UMODL1: variants seen among roughly 807,000 people sequenced by gnomAD.
The protein encoded by UMODL1 is uromodulin like 1.
Under a neutral mutation model 136.3 loss-of-function variants are expected in UMODL1, and 128 were observed. The observed-to-expected ratio is 0.94, with a 90% CI of 0.81 to 1.09. The LOEUF (loss-of-function observed/expected upper bound fraction) is 1.09. Ranked by LOEUF, UMODL1 falls within the 50% of genes least tolerant of loss-of-function variation. UMODL1 has a pLI of 0.00. For synonymous variants in UMODL1, 721 were observed against 720.0 expected (o/e 1.00, Z -0.02); for missense variants, 1,766 against 1,725.6 (o/e 1.02, Z -0.41).
rs141557659 is a variant in UMODL1 at position 42,090,225 on chromosome 21, G to C, written c.791-73G>C. On this transcript the variant is annotated intron_variant, in intron 5 of 22. Coordinates refer to ENST00000408910, the MANE Select transcript of UMODL1 (RefSeq NM_001004416.3). ...CGTGGCACGAGTCCACAGAGGCCGT[G>C]TGTGTGCAGGTAGATGAAGATGACG... The C allele has an allele frequency of 4.2e-5, 67 of 1,596,102 alleles. No individual in the cohort carries two copies. In the African/African-American group the frequency reaches 7.6e-4, roughly 18 times the overall value.
chr21:42,098,322 A>C (rs914076097), intron 6 of UMODL1, among the ~76,000 whole-genome samples: 1 of 152,184 alleles, frequency 6.6e-6, no homozygotes, highest in African/African-American at 2.4e-5. Context: ...TGGGATTTCA[A>C]CTTCAGACCT....
intron 21 of UMODL1, among the ~76,000 whole-genome samples, chr21:42,136,437 A>G (rs2067206029): frequency 6.6e-6 from 1 of 152,230 alleles, no homozygotes; most frequent in Admixed American, 6.5e-5. Flanking sequence ...TCCTATGAAC[A>G]GGGTCATGTT....
intron 5 of UMODL1, among the ~76,000 whole-genome samples, chr21:42,088,789 T>G (rs538499801): frequency 1.3e-5 from 2 of 151,448 alleles, no homozygotes; most frequent in African/African-American, 4.9e-5. Context: ...CTCGGCAGGC[T>G]TCTCCTTCCA....
In UMODL1 at chr21:42,095,025, G is replaced by A. The variant is rs145401147; in HGVS notation, c.932-3901G>A. 9.9e-3 allele frequency among the ~76,000 whole-genome samples: 1,490 copies of A among 150,946 alleles called. 18 individuals are homozygous for A. The highest frequency in any genetic ancestry group is 0.034 in the African/African-American group (1,405 of 41,002). ...GGGAGAATCCATTCCTTGCCTCTCTGCCCTCTGGTGGCTGCCGGCATTCCT... is the reference window on the plus strand; with the variant it reads ...GGGAGAATCCATTCCTTGCCTCTCTACCCTCTGGTGGCTGCCGGCATTCCT... On this transcript the variant is annotated intron_variant, in intron 6 of 22. Transcript: ENST00000408910.
At chr21:42,069,676 C>T (rs888250511), upstream of UMODL1, among the ~76,000 whole-genome samples, 13 of 152,224 alleles carry the variant, frequency 8.5e-5, no homozygotes, top group African/African-American at 2.9e-4. Flanking sequence ...GTGCACCAGA[C>T]GAATTTTGAG....
chr21:42,128,131 C>A, intron 20 of UMODL1: 1 of 524,626 alleles, frequency 1.9e-6, no homozygotes, highest in Non-Finnish European at 3.7e-6. Flanking sequence ...TGCCATGATA[C>A]CTAGTGCTTC....
chr21:42,113,458 C>T (rs912118958), intron 12 of UMODL1, 115 bp from the exon 13 acceptor site: 6 of 1,349,388 alleles, frequency 4.4e-6, no homozygotes, highest in Non-Finnish European at 4.0e-6. Context: ...CGGCCATCAC[C>T]TGCAAATCGC....
Position 42,121,688 on chromosome 21 carries a change from C to T in UMODL1, c.2827+464C>T, listed in dbSNP as rs1423907884. 5.3e-5 allele frequency among the ~76,000 whole-genome samples: 8 copies of T among 152,192 alleles called. No homozygotes were observed. In the East Asian group the frequency reaches 1.5e-3, roughly 29 times the overall value. On this transcript the variant is annotated intron_variant, in intron 16 of 22. Coordinates refer to ENST00000408910, the MANE Select transcript of UMODL1 (RefSeq NM_001004416.3). ...TGACCCCACGTTGGCCACTGCTATC[C>T]AGGAATCTGCGTCAAGTGAAGGGAG...
In UMODL1 at chr21:42,129,723, A is replaced by G; in HGVS notation, c.3701A>G (p.Asn1234Ser). The G allele has an allele frequency of 6.3e-7, 1 of 1,580,050 alleles. No homozygotes were observed. Among genetic ancestry groups the G allele is most frequent in the Non-Finnish European group, 8.6e-7 (1 of 1,168,414 alleles). Residue 1234 changes from asparagine (N) to serine (S), a missense_variant, in exon 21 of 23, where the codon AAC becomes AGC. By Grantham distance (46) the Asn-to-Ser change is conservative. Transcript: ENST00000408910. ...GAAAAAAAAAAACAGAATTGCAATA[A>G]CTTTCGGTTGCTGCAAAATAGTGAA... is the stretch of plus-strand genomic sequence containing the variant. ...PGATCKINCN[N>S]FRLLQNSETS...
At chr21:42,134,135 G>A (rs559242428) in intron 21 of UMODL1, among the ~76,000 whole-genome samples, 2 of 152,266 alleles carry the variant, frequency 1.3e-5, no homozygotes, top group East Asian at 3.9e-4. Flanking sequence ...TGGCCAGGAT[G>A]GTCTCGATCT....
At chr21:42,137,395 C>T in intron 21 of UMODL1, 44 bp from the exon 22 acceptor site, 3 of 1,606,830 alleles carry the variant, frequency 1.9e-6, no homozygotes, top group Non-Finnish European at 2.6e-6. Flanking sequence ...TCGCATTCCT[C>T]CCGTTTGTGC....
intron 4 of UMODL1, among the ~76,000 whole-genome samples, chr21:42,088,033 G>A (rs1316545996): frequency 1.3e-5 from 2 of 152,216 alleles, no homozygotes; most frequent in East Asian, 3.8e-4. Flanking sequence ...CTGAGGTACT[G>A]GAGGTTAGGA....
At chr21:42,072,294 C>G (rs904715345) in intron 1 of UMODL1, among the ~76,000 whole-genome samples, 1 of 152,206 alleles carries the variant, frequency 6.6e-6, no homozygotes, top group Non-Finnish European at 1.5e-5. Flanking sequence ...ATTTTAAAAT[C>G]ATTTTCCTCT....
intron 21 of UMODL1, 22 bp from the exon 22 acceptor site, chr21:42,137,417 C>A: frequency 6.2e-7 from 1 of 1,613,380 alleles, no homozygotes; most frequent in African/African-American, 1.3e-5. Context: ...GATCTCTCAC[C>A]TGTGCCTGTC....
intron 7 of UMODL1, among the ~76,000 whole-genome samples, chr21:42,100,421 C>A (rs116813204): frequency 6.6e-6 from 1 of 151,978 alleles, no homozygotes; most frequent in Non-Finnish European, 1.5e-5. Context: ...TGATTTGGGG[C>A]GGACCTCAAG....
intron 13 of UMODL1, among the ~76,000 whole-genome samples, chr21:42,115,173 G>A (rs940635287): frequency 3.9e-5 from 6 of 152,222 alleles, no homozygotes; most frequent in Admixed American, 2.6e-4. Flanking sequence ...CATGGCAGGC[G>A]CTTTGCAAAT....
At chr21:42,086,115 C>T (rs1013539989) in intron 4 of UMODL1, among the ~76,000 whole-genome samples, 4 of 152,170 alleles carry the variant, frequency 2.6e-5, no homozygotes, top group Non-Finnish European at 5.9e-5. Flanking sequence ...CGCTGCGTGT[C>T]CCCAAGGCTG....
chr21:42,088,980 TA>T (rs887569426), intron 5 of UMODL1, among the ~76,000 whole-genome samples: 3 of 152,240 alleles, frequency 2.0e-5, no homozygotes, highest in African/African-American at 7.2e-5. Flanking sequence ...GCAAAGCACA[TA>T]GACGTGGCCT....
At chr21:42,109,512 C>G (rs780125028) in intron 9 of UMODL1, 50 bp from the exon 10 acceptor site, 1 of 1,596,604 alleles carries the variant, frequency 6.3e-7, no homozygotes, top group South Asian at 1.1e-5. Context: ...GTCTTCTGAT[C>G]ACTCTTTGGC....
Sources: gnomAD v4.1 joint callset for allele counts (sites outside exome capture counted in the v4.1 genomes callset) on GRCh38, gnomAD v4.1.1 for gene constraint, MANE v1.5 for transcripts, NCBI Gene and HGNC (gene_info 2026-07-23, HGNC 2026-07-21) for gene names.